TANC1: variants seen among roughly 807,000 people sequenced by gnomAD.
TANC1 encodes the protein tetratricopeptide repeat, ankyrin repeat and coiled-coil containing 1, also known as protein TANC1.
A neutral mutation model predicts 149.7 loss-of-function variants in TANC1; 77 were observed. That is an observed-to-expected ratio of 0.51 (90% CI 0.43 to 0.62). TANC1 has a LOEUF of 0.62. TANC1 is among the 20% of genes least tolerant of loss of function. TANC1 has a pLI of 0.00. For synonymous variants in TANC1, 854 were observed against 925.0 expected, an observed-to-expected ratio of 0.92 and a Z score of 1.39; for missense variants, 1,985 against 2,321.8, an observed-to-expected ratio of 0.85 and a Z score of 2.98.
chr2:159,029,110 T>C (rs264603), intron 2 of TANC1, among the ~76,000 whole-genome samples: 67,186 of 152,108 alleles, frequency 0.44, 15,535 homozygotes, highest in African/African-American at 0.56. Flanking sequence ...TGTTTATCCT[T>C]CTGTGACTGT....
Position 159,003,799 on chromosome 2 carries a change from C to T in TANC1, c.-16+2610C>T, listed in dbSNP as rs987388715. On this transcript the variant is annotated intron_variant, in intron 2 of 26. Transcript: ENST00000263635. ...TGAGGCAGCCATCTTGCTCTTGCCG[C>T]GTGCTGGTGTTGGAGGACCCTCCCT... Among the ~76,000 whole-genome samples, 7 of 152,322 alleles carry T rather than the reference C, an allele frequency of 4.6e-5. No homozygotes were observed. In the South Asian group the frequency reaches 6.2e-4, roughly 14 times the overall value.
At chr2:159,124,156 G>A (rs1392107995) in intron 4 of TANC1, among the ~76,000 whole-genome samples, 1 of 152,034 alleles carries the variant, frequency 6.6e-6, no homozygotes, top group East Asian at 1.9e-4. Context: ...TCTGGTGTTC[G>A]AGACCAGCCT....
chr2:159,027,707 T>G (rs1328516660), intron 2 of TANC1, among the ~76,000 whole-genome samples: 1 of 152,228 alleles, frequency 6.6e-6, no homozygotes, highest in African/African-American at 2.4e-5. Flanking sequence ...CTATCTGTTA[T>G]AGCAATGACC....
intron 1 of TANC1, among the ~76,000 whole-genome samples, chr2:158,973,423 C>T (rs2033191768): frequency 6.6e-6 from 1 of 152,086 alleles, no homozygotes. Flanking sequence ...CATGTATACC[C>T]ATGCAAAAAT....
chr2:158,975,573 C>CTT (rs70994247), intron 1 of TANC1, among the ~76,000 whole-genome samples: 40 of 146,084 alleles, frequency 2.7e-4, no homozygotes, highest in East Asian at 6.0e-4. Flanking sequence ...ACCACAATTA[C>CTT]TTTTTTTTTT....
chr2:159,070,062 G>A (rs759920209), intron 3 of TANC1, among the ~76,000 whole-genome samples: 31 of 151,990 alleles, frequency 2.0e-4, no homozygotes, highest in Non-Finnish European at 2.4e-4. Context: ...GATTACAAGC[G>A]TGAACCACTG....
chr2:158,974,015 C>T (rs957576577), intron 1 of TANC1, among the ~76,000 whole-genome samples: 3 of 152,248 alleles, frequency 2.0e-5, no homozygotes, highest in East Asian at 3.9e-4. Context: ...TATTGAGTGC[C>T]GGCTGACTCT....
intron 4 of TANC1, among the ~76,000 whole-genome samples, chr2:159,126,387 G>A (rs1392972213): frequency 6.6e-6 from 1 of 152,104 alleles, no homozygotes; most frequent in Admixed American, 6.5e-5. Flanking sequence ...ATTACAATCT[G>A]GCCTGCTAGA....
intron 16 of TANC1, among the ~76,000 whole-genome samples, chr2:159,187,478 T>C (rs2057084015): frequency 1.3e-5 from 2 of 152,236 alleles, no homozygotes. Flanking sequence ...TTTCTGCCTA[T>C]GGAAAGGGTA....
At position 159,163,657 on chromosome 2, in the gene TANC1, G is replaced by A. The variant is rs984351242; in HGVS notation, c.946+111G>A. On this transcript the variant is annotated intron_variant, in intron 8 of 26. Coordinates refer to ENST00000263635, the MANE Select transcript of TANC1 (RefSeq NM_033394.3). ...AGATACAAGCCAGCTTCGTGGCCGT[G>A]GGTCAGGCACTTACCTTTTCTAAGC... 6 of 1,237,968 alleles carry A rather than the reference G, an allele frequency of 4.8e-6. No individual in the cohort carries two copies. The African/African-American group carries it at 9.1e-5, about 19-fold the overall frequency. The allele number at this position is 1,237,968 out of a possible 1,614,324, so 76.7% of individuals were successfully genotyped here. A position where few individuals can be genotyped will look rare whatever the true frequency, so the allele number is the denominator to read the frequency against.
At chr2:158,974,905 G>GT (rs2033437110) in intron 1 of TANC1, among the ~76,000 whole-genome samples, 1 of 122,270 alleles carries the variant, frequency 8.2e-6, no homozygotes, top group South Asian at 2.8e-4. Flanking sequence ...GCTAATTTTT[G>GT]TATTTTTTTT....
chr2:159,206,167 A>C (rs1363725655), intron 19 of TANC1, among the ~76,000 whole-genome samples: 3 of 152,198 alleles, frequency 2.0e-5, no homozygotes, highest in Non-Finnish European at 2.9e-5. Context: ...CAGGATCCTG[A>C]AAGGAGCAAG....
intron 5 of TANC1, chr2:159,148,321 GC>G (rs1227097614): frequency 6.6e-6 from 1 of 152,170 alleles, no homozygotes; most frequent in East Asian, 1.9e-4. Flanking sequence ...GTGCCTTTGG[GC>G]TTTTTGGGTA....
At chr2:159,146,843 G>A (rs2052173883) in intron 5 of TANC1, among the ~76,000 whole-genome samples, 1 of 151,976 alleles carries the variant, frequency 6.6e-6, no homozygotes, top group Admixed American at 6.5e-5. Flanking sequence ...ACCCGGCTTA[G>A]GTGTCCCTTT....
rs150832897 is a variant in TANC1, at chr2:159,103,064, G to A, written c.259+5230G>A. Reference sequence around the variant, plus strand: ...ATTTTTAGCATGTTATAATGTTTTCGCTATTCCTGGTGTGAATATTTTTTA... The same window carrying A: ...ATTTTTAGCATGTTATAATGTTTTCACTATTCCTGGTGTGAATATTTTTTA... On this transcript the variant is annotated intron_variant, in intron 4 of 26. Transcript: ENST00000263635. Among the ~76,000 whole-genome samples, 9 of 95,460 alleles carry A rather than the reference G, an allele frequency of 9.4e-5. 3 individuals are homozygous for A. Among genetic ancestry groups the A allele is most frequent in the African/African-American group, 2.0e-4 (7 of 34,534 alleles). 62.6% of individuals were successfully genotyped at this position (95,460 alleles called of 152,430 possible).
chr2:159,064,905 C>T (rs1218349640), intron 2 of TANC1, among the ~76,000 whole-genome samples: 1 of 152,148 alleles, frequency 6.6e-6, no homozygotes. Flanking sequence ...TCCTCTGCTC[C>T]CTTCCCCGTC....
intron 24 of TANC1, chr2:159,226,629 TTC>T (rs2060041071): frequency 6.6e-6 from 1 of 152,246 alleles, no homozygotes; most frequent in Non-Finnish European, 1.5e-5. Context: ...TTTTTCCATT[TTC>T]CCTTGGAAAT....
chr2:158,987,075 G>A (rs911391666), intron 1 of TANC1, among the ~76,000 whole-genome samples: 2 of 151,400 alleles, frequency 1.3e-5, no homozygotes, highest in African/African-American at 4.9e-5. Context: ...TTGGTCAGGC[G>A]TCATTGTGGG....
At chr2:159,135,170 C>T (rs892110547) in intron 4 of TANC1, among the ~76,000 whole-genome samples, 1 of 152,178 alleles carries the variant, frequency 6.6e-6, no homozygotes, top group Non-Finnish European at 1.5e-5. Context: ...TTTGGCTATT[C>T]TGGGCATGAC....
Sources: gnomAD v4.1 joint callset for allele counts (sites outside exome capture counted in the v4.1 genomes callset) on GRCh38, gnomAD v4.1.1 for gene constraint, MANE v1.5 for transcripts, NCBI Gene and HGNC (gene_info 2026-07-23, HGNC 2026-07-21) for gene names.